The following RABEP1 variants were observed in gnomAD, a reference collection of about 807,000 sequenced individuals.
RABEP1 encodes the protein rab GTPase-binding effector protein 1.
Under a neutral mutation model 123.4 loss-of-function variants are expected in RABEP1, and 51 were observed. The ratio of observed to expected loss-of-function variants is 0.41; its 90% CI spans 0.33 to 0.52. The LOEUF (loss-of-function observed/expected upper bound fraction) is 0.52. Among genes scored for constraint, RABEP1 ranks in the 20% least tolerant of loss-of-function variants. RABEP1 has a pLI of 0.16. For missense variants in RABEP1, 888 were observed against 996.3 expected (o/e 0.89, Z 1.46); for synonymous variants, 347 against 355.2 (o/e 0.98, Z 0.26).
intron 8 of RABEP1, among the ~76,000 whole-genome samples, chr17:5,358,271 G>A (rs116430671): frequency 7.9e-5 from 12 of 151,668 alleles, no homozygotes; most frequent in East Asian, 1.9e-4. Flanking sequence ...ACAATTTTTC[G>A]TTATAAGTAA....
chr17:5,326,663 T>C (rs184862301), intron 2 of RABEP1, among the ~76,000 whole-genome samples: 10 of 152,248 alleles, frequency 6.6e-5, no homozygotes, highest in African/African-American at 2.2e-4. Context: ...CCAGTGTGGG[T>C]TCATCAGTTG....
chr17:5,331,882 T>G, intron 2 of RABEP1, 67 bp from the exon 3 acceptor site: 1 of 1,410,402 alleles, frequency 7.1e-7, no homozygotes, highest in South Asian at 1.2e-5. Flanking sequence ...AATACCTTAT[T>G]TCTTTATTGG....
intron 7 of RABEP1, 32 bp from the exon 8 acceptor site, chr17:5,354,326 TG>T (rs1300818679): frequency 1.3e-6 from 2 of 1,573,052 alleles, no homozygotes; most frequent in Non-Finnish European, 1.7e-6. Context: ...GTAGGTTACT[TG>T]GGTCATATAT....
At position 5,383,842 on chromosome 17, in the gene RABEP1, C is replaced by A; in HGVS notation, c.*619C>A. ...AGGACTGTGGCAAACAAAACCAATTCATGAAGTGAATTAATGATGAGGATC... is the reference window on the plus strand; with the variant it reads ...AGGACTGTGGCAAACAAAACCAATTAATGAAGTGAATTAATGATGAGGATC... On this transcript the variant is annotated 3_prime_UTR_variant, in exon 18 of 18. Coordinates refer to ENST00000537505, the MANE Select transcript of RABEP1 (RefSeq NM_004703.6). 4.5e-6 allele frequency: 1 copy of A among 223,638 alleles called. No individual in the cohort carries two copies. The highest frequency in any genetic ancestry group is 6.6e-5 in the East Asian group (1 of 15,148). 13.9% of individuals were successfully genotyped at this position (223,638 alleles called of 1,614,324 possible). A position where few individuals can be genotyped will look rare whatever the true frequency, so the allele number is the denominator to read the frequency against.
intron 2 of RABEP1, among the ~76,000 whole-genome samples, chr17:5,326,901 G>A (rs72634025): frequency 0.12 from 18,913 of 152,148 alleles, 1,911 homozygotes; most frequent in East Asian, 0.48. Context: ...GTGCGAACGC[G>A]GAATGTACTG....
intron 9 of RABEP1, 150 bp from the exon 10 acceptor site, chr17:5,362,762 C>G: frequency 3.3e-6 from 2 of 601,694 alleles, no homozygotes; most frequent in South Asian, 4.2e-5. Context: ...TAGAATCTGA[C>G]CCTATATTGT....
In RABEP1 at chr17:5,354,074, G is replaced by A. The variant is rs771891112; in HGVS notation, c.964-285G>A. The stretch of plus-strand genomic sequence containing the variant: ...TTTTTCAAGGATCATTTGAAGAGGC[G>A]GTTTTGCTTTCTTTTATTTTGCCTT... On this transcript the variant is annotated intron_variant, in intron 7 of 17. Coordinates refer to ENST00000537505, the MANE Select transcript of RABEP1 (RefSeq NM_004703.6). 1.1e-4 allele frequency among the ~76,000 whole-genome samples: 17 copies of A among 151,882 alleles called. No homozygotes were observed. The East Asian group carries it at 2.1e-3, about 19-fold the overall frequency.
intron 3 of RABEP1, 30 bp from the exon 4 acceptor site, chr17:5,335,154 A>C: frequency 1.3e-6 from 2 of 1,550,426 alleles, no homozygotes; most frequent in African/African-American, 1.4e-5. Context: ...CATAATGCTT[A>C]GATGTGAAAT....
In RABEP1 at chr17:5,368,387, A is replaced by G. The variant is rs768576457; in HGVS notation, c.1803A>G (p.Leu601=). Residue 601 remains leucine (L), a synonymous_variant, in exon 12 of 18, where the codon CTA becomes CTG. Coordinates refer to ENST00000537505, the MANE Select transcript of RABEP1 (RefSeq NM_004703.6). ...DSSHQISALV[L]RAQASEILLE... ...TTTTAAAGATCTCTGCACTCGTCCTAAGAGCCCAGGCCTCCGAGATCTTAC... is the reference window on the plus strand; with the variant it reads ...TTTTAAAGATCTCTGCACTCGTCCTGAGAGCCCAGGCCTCCGAGATCTTAC... The G allele has an allele frequency of 1.2e-6, 2 of 1,613,244 alleles. No individual in the cohort carries two copies. The highest frequency in any genetic ancestry group is 8.5e-7 in the Non-Finnish European group (1 of 1,179,472).
chr17:5,376,042 T>C lies in RABEP1; in HGVS notation c.2026-1074T>C, dbSNP rs148890605. On this transcript the variant is annotated intron_variant, in intron 13 of 17. Coordinates refer to ENST00000537505, the MANE Select transcript of RABEP1 (RefSeq NM_004703.6). ...TGTGTGCCACCATGTCTGGCTACCATGTTGGCCAGGCTGGTCTCGAATTCT... is the reference window on the plus strand; with the variant it reads ...TGTGTGCCACCATGTCTGGCTACCACGTTGGCCAGGCTGGTCTCGAATTCT... 7.4e-3 allele frequency among the ~76,000 whole-genome samples: 1,124 copies of C among 152,204 alleles called. 12 individuals carry two copies. Among genetic ancestry groups the C allele is most frequent in the African/African-American group, 0.025 (1,039 of 41,516 alleles).
intron 1 of RABEP1, among the ~76,000 whole-genome samples, chr17:5,305,478 T>A (rs1471503431): frequency 6.6e-6 from 1 of 152,136 alleles, no homozygotes; most frequent in Non-Finnish European, 1.5e-5. Flanking sequence ...CATTTTTGTT[T>A]TGTTGATTCA....
Position 5,304,439 on chromosome 17 carries a change from G to A in RABEP1, c.35-4255G>A, listed in dbSNP as rs551574956. Among the ~76,000 whole-genome samples the A allele has an allele frequency of 4.6e-5, 7 of 151,778 alleles. No individual in the cohort carries two copies. The South Asian group carries it at 1.0e-3, about 23-fold the overall frequency. The stretch of plus-strand genomic sequence containing the variant: ...TACTAAAAATACAAAAAAATTAGCC[G>A]GGTATGGTGGTAGGCTCCTGTAATC... On this transcript the variant is annotated intron_variant, in intron 1 of 17. Coordinates refer to ENST00000537505, the MANE Select transcript of RABEP1 (RefSeq NM_004703.6).
At chr17:5,318,323 G>A (rs2075318428) in intron 2 of RABEP1, among the ~76,000 whole-genome samples, 4 of 152,148 alleles carry the variant, frequency 2.6e-5, no homozygotes, top group Admixed American at 2.6e-4. Context: ...CCCAATGGGA[G>A]TATGCTATCA....
At chr17:5,361,050 A>T in intron 8 of RABEP1, 158 bp from the exon 9 acceptor site, 1 of 679,378 alleles carries the variant, frequency 1.5e-6, no homozygotes, top group South Asian at 2.0e-5. Context: ...TGTGTCCAGC[A>T]TGTAGAAATG....
intron 12 of RABEP1, among the ~76,000 whole-genome samples, chr17:5,372,481 T>C (rs769659749): frequency 6.6e-6 from 1 of 152,184 alleles, no homozygotes; most frequent in Non-Finnish European, 1.5e-5. Context: ...TCTCAAGTGC[T>C]CTGTGATTCC....
intron 11 of RABEP1, among the ~76,000 whole-genome samples, chr17:5,365,553 A>G (rs2309382): frequency 0.12 from 18,923 of 151,960 alleles, 1,873 homozygotes; most frequent in East Asian, 0.48. Context: ...AAACTTTTTA[A>G]AAGTATAGCA....
chr17:5,316,725 C>T (rs950194784), intron 2 of RABEP1, among the ~76,000 whole-genome samples: 6 of 146,872 alleles, frequency 4.1e-5, no homozygotes, highest in Admixed American at 1.4e-4. Context: ...CCCACCTACT[C>T]GGGAGGCTGA....
At chr17:5,379,347 C>T (rs866093179) in intron 15 of RABEP1, among the ~76,000 whole-genome samples, 8 of 152,292 alleles carry the variant, frequency 5.3e-5, no homozygotes, top group Middle Eastern at 3.4e-3. Flanking sequence ...TCCAGATGTC[C>T]CCGCGCAGTG....
At chr17:5,356,132 C>T (rs1908993203) in intron 8 of RABEP1, among the ~76,000 whole-genome samples, 2 of 152,178 alleles carry the variant, frequency 1.3e-5, no homozygotes, top group South Asian at 4.1e-4. Context: ...AATAATGACA[C>T]AACTCTTGGT....
Sources: gnomAD v4.1 joint callset for allele counts (sites outside exome capture counted in the v4.1 genomes callset) on GRCh38, gnomAD v4.1.1 for gene constraint, MANE v1.5 for transcripts, NCBI Gene and HGNC (gene_info 2026-07-23, HGNC 2026-07-21) for gene names.